The following MSRA variants were observed in gnomAD, a reference collection of about 807,000 sequenced individuals.
The protein encoded by MSRA is mitochondrial peptide methionine sulfoxide reductase.
Under a neutral mutation model 31.3 loss-of-function variants are expected in MSRA, and 54 were observed. The ratio of observed to expected loss-of-function variants is 1.73; its 90% confidence interval spans 1.39 to 2.17. The LOEUF is 2.17. MSRA is among the 30% of genes most tolerant of loss of function. MSRA has a pLI of 0.00. For synonymous variants in MSRA, 169 were observed against 116.5 expected, an observed-to-expected ratio of 1.45 and a Z score of -2.90; for missense variants, 507 against 300.9, an observed-to-expected ratio of 1.69 and a Z score of -5.07.
chr8:10,278,774 T>C (rs1045411375), intron 3 of MSRA, among the ~76,000 whole-genome samples: 2 of 152,190 alleles, frequency 1.3e-5, no homozygotes, highest in African/African-American at 4.8e-5. Flanking sequence ...GTACAGCCCT[T>C]TACTGAACTT....
intron 1 of MSRA, among the ~76,000 whole-genome samples, chr8:10,084,407 A>G (rs1798448409): frequency 6.6e-6 from 1 of 152,362 alleles, no homozygotes; most frequent in South Asian, 2.1e-4. Context: ...GATCGTTGTA[A>G]TAGTCTTCTG....
At chr8:10,257,869 C>T (rs1798265515) in intron 3 of MSRA, among the ~76,000 whole-genome samples, 1 of 152,170 alleles carries the variant, frequency 6.6e-6, no homozygotes, top group African/African-American at 2.4e-5. Flanking sequence ...CTGATGTCTC[C>T]AGCCAGGTCA....
intron 1 of MSRA, among the ~76,000 whole-genome samples, chr8:10,108,239 G>A (rs762639644): frequency 1.3e-5 from 2 of 152,186 alleles, no homozygotes; most frequent in Admixed American, 6.5e-5. Flanking sequence ...AGGCCTTCCT[G>A]GAGATACCCA....
chr8:10,418,350 T>C (rs556397664), intron 5 of MSRA, among the ~76,000 whole-genome samples: 1 of 152,162 alleles, frequency 6.6e-6, no homozygotes, highest in South Asian at 2.1e-4. Context: ...GCCTTCAAAC[T>C]GTGATGGAAA....
intron 5 of MSRA, among the ~76,000 whole-genome samples, chr8:10,356,013 G>T (rs567920674): frequency 4.1e-4 from 62 of 152,194 alleles, no homozygotes; most frequent in Non-Finnish European, 7.1e-4. Context: ...ACCACAGTCA[G>T]AGTGGAACCA....
intron 2 of MSRA, among the ~76,000 whole-genome samples, chr8:10,223,015 C>T (rs1810667028): frequency 6.6e-6 from 1 of 152,168 alleles, no homozygotes; most frequent in Non-Finnish European, 1.5e-5. Flanking sequence ...TGTTACTTAG[C>T]ATAATTTACT....
intron 2 of MSRA, among the ~76,000 whole-genome samples, chr8:10,211,031 C>T (rs935652291): frequency 6.6e-5 from 10 of 152,218 alleles, no homozygotes; most frequent in African/African-American, 9.6e-5. Context: ...TCATCGCACC[C>T]GGCCACAATG....
intron 1 of MSRA, among the ~76,000 whole-genome samples, chr8:10,182,308 T>C (rs1221655455): frequency 6.6e-6 from 1 of 152,214 alleles, no homozygotes; most frequent in Non-Finnish European, 1.5e-5. Context: ...CTAAACTGTG[T>C]GTATCAGTTA....
chr8:10,362,257 G>A lies in MSRA; in HGVS notation c.543+42268G>A, dbSNP rs144257358. On this transcript the variant is annotated intron_variant, in intron 5 of 5. Coordinates refer to ENST00000317173, the MANE Select transcript of MSRA (RefSeq NM_012331.5). ...CCAGTGCAGATGCTCAGGAAATATC[G>A]TCCTTACTTAGGAGCACTCCTGTCA... Among the ~76,000 whole-genome samples the A allele has an allele frequency of 6.6e-4, 100 of 152,126 alleles. 1 individual carries two copies. The highest frequency in any genetic ancestry group is 2.2e-3 in the African/African-American group (90 of 41,494).
intron 3 of MSRA, among the ~76,000 whole-genome samples, chr8:10,251,208 C>CTT (rs35628965): frequency 4.7e-5 from 7 of 148,398 alleles, no homozygotes; most frequent in African/African-American, 1.7e-4. Context: ...ACTCAGTATA[C>CTT]TTTTTTTTTT....
At chr8:10,081,043 C>G (rs1190791478) in intron 1 of MSRA, among the ~76,000 whole-genome samples, 3 of 152,182 alleles carry the variant, frequency 2.0e-5, no homozygotes, top group Non-Finnish European at 4.4e-5. Flanking sequence ...CAGGATGTCA[C>G]AACATGGATT....
In MSRA at chr8:10,319,915, T is replaced by A. The variant is rs1441754424; in HGVS notation, c.469T>A (p.Tyr157Asn). The stretch of plus-strand genomic sequence containing the variant: ...CCAGGGGAACGACCATGGCACTCAG[T>A]ACCGCTCGGCCATCTACCCGACCTC... The part of the protein sequence containing the change: ...MRQGNDHGTQ[Y>N]RSAIYPTSAK... The change falls in exon 5 of 6, where the codon TAC becomes AAC. Residue 157 changes from tyrosine (Y) to asparagine (N), a missense_variant. Physicochemically the swap from Tyr to Asn is moderately radical, Grantham distance 143 (BLOSUM62 -2). Transcript: ENST00000317173. 6.3e-7 allele frequency: 1 copy of A among 1,597,014 alleles called. No homozygotes were observed. The highest frequency in any genetic ancestry group is 8.5e-7 in the Non-Finnish European group (1 of 1,172,170).
chr8:10,151,261 C>CA (rs34388218), intron 1 of MSRA, among the ~76,000 whole-genome samples: 4,050 of 108,376 alleles, frequency 0.037, 179 homozygotes, highest in African/African-American at 0.062. Context: ...GAGTCTGTCT[C>CA]AAAAAAAAAA....
intron 1 of MSRA, among the ~76,000 whole-genome samples, chr8:10,064,393 T>C (rs1797356305): frequency 6.6e-6 from 1 of 152,130 alleles, no homozygotes; most frequent in African/African-American, 2.4e-5. Context: ...TTCTTGTATT[T>C]CTGTAGGAAT....
chr8:10,277,797 G>A (rs1361080245), intron 3 of MSRA, among the ~76,000 whole-genome samples: 1 of 152,112 alleles, frequency 6.6e-6, no homozygotes, highest in African/African-American at 2.4e-5. Context: ...GGGAGGTAAT[G>A]CATATGCTCA....
intron 5 of MSRA, among the ~76,000 whole-genome samples, chr8:10,391,037 C>G (rs990115202): frequency 1.5e-4 from 22 of 151,608 alleles, no homozygotes; most frequent in Admixed American, 1.3e-3. Context: ...AGAAACCTAC[C>G]TATTCTCAAA....
chr8:10,275,248 G>A (rs989966249), intron 3 of MSRA, among the ~76,000 whole-genome samples: 10 of 152,164 alleles, frequency 6.6e-5, no homozygotes, highest in Admixed American at 4.6e-4. Context: ...TCATCCCCGT[G>A]ATTGCAAGAT....
chr8:10,378,952 C>G (rs1453398901), intron 5 of MSRA, among the ~76,000 whole-genome samples: 1 of 152,256 alleles, frequency 6.6e-6, no homozygotes, highest in African/African-American at 2.4e-5. Context: ...ACTGCCCCAT[C>G]ACAGCACCTG....
chr8:10,187,510 C>A (rs533759942), intron 1 of MSRA, among the ~76,000 whole-genome samples: 1 of 152,106 alleles, frequency 6.6e-6, no homozygotes, highest in Non-Finnish European at 1.5e-5. Context: ...ACACAACCAC[C>A]CTTTCAAAAA....
Sources: allele counts gnomAD v4.1 joint callset (sites outside exome capture counted in the v4.1 genomes callset), GRCh38; gene constraint gnomAD v4.1.1; transcripts MANE v1.5; gene names NCBI Gene and HGNC (gene_info 2026-07-23, HGNC 2026-07-21).